RHBDD1: variants seen among roughly 807,000 people sequenced by gnomAD.
The protein encoded by RHBDD1 is rhomboid-related protein 4.
A neutral mutation model predicts 36.3 loss-of-function variants in RHBDD1; 38 were observed. The ratio of observed to expected loss-of-function variants is 1.05; its 90% CI spans 0.81 to 1.37. The LOEUF (loss-of-function observed/expected upper bound fraction) is 1.37, where lower values mean the gene tolerates loss of function less well. Among genes scored for constraint, RHBDD1 ranks in the 40% most tolerant of loss-of-function variants. The pLI, the probability that RHBDD1 is intolerant of heterozygous loss-of-function variation, is 0.00. For missense variants in RHBDD1, 393 were observed against 377.6 expected (o/e 1.04, Z -0.34); for synonymous variants, 151 against 136.5 (o/e 1.11, Z -0.74).
At chr2:226,854,945 GT>G (rs1352955794) in intron 3 of RHBDD1, among the ~76,000 whole-genome samples, 1 of 152,120 alleles carries the variant, frequency 6.6e-6, no homozygotes, top group Non-Finnish European at 1.5e-5. Context: ...AGATCTTTCA[GT>G]GTATAATACA....
chr2:226,804,201 G>A, the RHBDD1 span: 1 of 152,160 alleles, frequency 6.6e-6, no homozygotes, highest in African/African-American at 2.4e-5. Context: ...AAACAGTTGT[G>A]TTAGTGTTTT....
At chr2:226,804,496 G>A in the RHBDD1 span, 1 of 152,202 alleles carries the variant, frequency 6.6e-6, no homozygotes, top group African/African-American at 2.4e-5. Context: ...AAACCTGCAT[G>A]AGTCTCCCAA....
At chr2:226,801,090 G>C in the RHBDD1 span, among the ~76,000 whole-genome samples, 7 of 152,340 alleles carry the variant, frequency 4.6e-5, no homozygotes, top group African/African-American at 1.7e-4. Flanking sequence ...GCCCGTTTGG[G>C]GTTGCCGCCC....
intron 5 of RHBDD1, among the ~76,000 whole-genome samples, chr2:226,899,755 G>A (rs1010316155): frequency 6.6e-6 from 1 of 152,104 alleles, no homozygotes; most frequent in Non-Finnish European, 1.5e-5. Context: ...AAACCTTTTA[G>A]GACATACAGA....
intron 8 of RHBDD1, among the ~76,000 whole-genome samples, chr2:226,986,138 C>T (rs149678943): frequency 6.6e-6 from 1 of 152,338 alleles, no homozygotes; most frequent in Middle Eastern, 3.4e-3. Context: ...GAATGAAATT[C>T]TTCACGATAT....
At chr2:226,949,534 TCA>T (rs1253347577) in intron 8 of RHBDD1, among the ~76,000 whole-genome samples, 7 of 152,332 alleles carry the variant, frequency 4.6e-5, no homozygotes, top group Middle Eastern at 3.4e-3. Flanking sequence ...CAGTTTCATT[TCA>T]CAGTCTATGT....
chr2:226,967,746 A>AC (rs1332677861), intron 8 of RHBDD1, among the ~76,000 whole-genome samples: 1 of 151,934 alleles, frequency 6.6e-6, no homozygotes, highest in Non-Finnish European at 1.5e-5. Context: ...GTATGTCCAC[A>AC]CCCCCAAGAG....
chr2:226,980,499 C>T (rs1955484294), intron 8 of RHBDD1, among the ~76,000 whole-genome samples: 1 of 152,196 alleles, frequency 6.6e-6, no homozygotes. Flanking sequence ...TTTCCCATCT[C>T]TGACATGAGC....
chr2:226,821,295 A>G, the RHBDD1 span, among the ~76,000 whole-genome samples: 2 of 152,158 alleles, frequency 1.3e-5, no homozygotes, highest in Admixed American at 1.3e-4. Context: ...TCTAAATGCA[A>G]TAGTGACTAG....
intron 8 of RHBDD1, among the ~76,000 whole-genome samples, chr2:226,973,411 G>T (rs1559328631): frequency 6.6e-6 from 1 of 152,210 alleles, no homozygotes; most frequent in Non-Finnish European, 1.5e-5. Flanking sequence ...GGGAAAGTTG[G>T]GAAGTGAGTG....
At chr2:226,804,192 A>G in the RHBDD1 span, 1 of 152,174 alleles carries the variant, frequency 6.6e-6, no homozygotes, top group Non-Finnish European at 1.5e-5. Context: ...GTTATTATCA[A>G]ACAGTTGTGT....
chr2:226,949,807 C>T (rs1460256601), intron 8 of RHBDD1, among the ~76,000 whole-genome samples: 3 of 152,122 alleles, frequency 2.0e-5, no homozygotes, highest in Admixed American at 2.0e-4. Context: ...CCCCCGTGTC[C>T]TCCCATGCTC....
intron 8 of RHBDD1, among the ~76,000 whole-genome samples, chr2:226,992,835 G>A (rs965883402): frequency 6.6e-6 from 1 of 152,152 alleles, no homozygotes; most frequent in African/African-American, 2.4e-5. Flanking sequence ...CAGAAGGTTC[G>A]CTGTTCTTCA....
chr2:226,906,978 T>C (rs749079507), intron 6 of RHBDD1, 97 bp downstream of exon 6: 8 of 1,272,920 alleles, frequency 6.3e-6, no homozygotes, highest in Middle Eastern at 1.8e-4. Flanking sequence ...GTGGTTCAGC[T>C]CAAGAATTCC....
At position 226,929,024 on chromosome 2, in the gene RHBDD1, C is replaced by A. The variant is rs539065898; in HGVS notation, c.856+14673C>A. Among the ~76,000 whole-genome samples, 404 of 151,656 alleles carry A rather than the reference C, an allele frequency of 2.7e-3. 5 individuals carry two copies. The highest frequency in any genetic ancestry group is 9.1e-3 in the African/African-American group (378 of 41,406). ...AATCCATAATTTTTTAAATTGCCAA[C>A]AAAAAAAACCCAGTGCCAGACAGAT... On this transcript the variant is annotated intron_variant, in intron 8 of 8. Coordinates refer to ENST00000392062, the MANE Select transcript of RHBDD1 (RefSeq NM_001167608.3).
the RHBDD1 span, among the ~76,000 whole-genome samples, chr2:226,815,633 A>C: frequency 1.3e-5 from 2 of 152,234 alleles, no homozygotes; most frequent in Admixed American, 1.3e-4. Context: ...AGGAGGCAAA[A>C]GTAAAGATTA....
chr2:226,888,259 A>T (rs752325353), intron 5 of RHBDD1, among the ~76,000 whole-genome samples: 3 of 152,214 alleles, frequency 2.0e-5, no homozygotes, highest in Non-Finnish European at 2.9e-5. Flanking sequence ...CGACAAACGG[A>T]TGCTATAATT....
chr2:226,948,575 A>C (rs1458964581), intron 8 of RHBDD1, among the ~76,000 whole-genome samples: 1 of 128,920 alleles, frequency 7.8e-6, no homozygotes, highest in African/African-American at 3.2e-5. Context: ...AAAAAAAAAA[A>C]AAAAAAAAAA....
intron 3 of RHBDD1, among the ~76,000 whole-genome samples, chr2:226,851,884 G>A (rs150540287): frequency 2.0e-5 from 3 of 152,264 alleles, no homozygotes; most frequent in South Asian, 2.1e-4. Context: ...ACAGCCAGTC[G>A]TCAGTGTAGT....
Sources: gnomAD v4.1 joint callset for allele counts (sites outside exome capture counted in the v4.1 genomes callset) on GRCh38, gnomAD v4.1.1 for gene constraint, MANE v1.5 for transcripts, NCBI Gene and HGNC (gene_info 2026-07-23, HGNC 2026-07-21) for gene names.